Variants in CPSF4L observed in about 807,000 individuals in gnomAD.
CPSF4L encodes cleavage and polyadenylation specific factor 4 like, also known as putative cleavage and polyadenylation specificity factor subunit 4-like protein.
Under a neutral mutation model 24.0 loss-of-function variants are expected in CPSF4L, and 18 were observed. The observed-to-expected ratio is 0.75, with a 90% CI of 0.52 to 1.11. CPSF4L has a LOEUF of 1.11. CPSF4L is among the 50% of genes least tolerant of loss of function. The probability of loss-of-function intolerance (pLI) is 0.00; values close to 1 mark genes in which losing one functional copy is unlikely to be tolerated. For synonymous variants in CPSF4L, 72 were observed against 77.2 expected, an observed-to-expected ratio of 0.93 and a Z score of 0.35; for missense variants, 211 against 221.8, an observed-to-expected ratio of 0.95 and a Z score of 0.31.
Position 73,261,721 on chromosome 17 carries a change from A to G in CPSF4L, c.98T>C (p.Met33Thr), listed in dbSNP as rs1475484208. 1 of 1,549,308 alleles carries G rather than the reference A, an allele frequency of 6.5e-7. No homozygotes were observed. The highest frequency in any genetic ancestry group is 1.4e-5 in the African/African-American group (1 of 73,088). Residue 33 changes from methionine (M) to threonine (T), a missense_variant, in exon 1 of 6, where the codon ATG becomes ACG. Physicochemically the swap from Met to Thr is moderately conservative, Grantham distance 81. Coordinates refer to ENST00000344935, the MANE Select transcript of CPSF4L (RefSeq NM_001129885.1). ...KGTGLLPFQG[M>T]DKSASAVCNF... The stretch of plus-strand genomic sequence containing the variant: ...GTGGCCCCACCCTCACTCACTGTCC[A>G]TGCCCTGGAAAGGCAGGAGCCCAGT...
chr17:73,251,841 CTG>C (rs1466997718), intron 5 of CPSF4L, among the ~76,000 whole-genome samples: 1 of 152,198 alleles, frequency 6.6e-6, no homozygotes, highest in East Asian at 1.9e-4. Flanking sequence ...TCCATAGGGA[CTG>C]AGCACAGTTC....
chr17:73,258,368 C>G (rs1234840234), intron 2 of CPSF4L, among the ~76,000 whole-genome samples: 1 of 152,182 alleles, frequency 6.6e-6, no homozygotes, highest in African/African-American at 2.4e-5. Context: ...AGCAATGGCA[C>G]GGTCTCAGCT....
intron 5 of CPSF4L, chr17:73,250,432 T>C: frequency 8.0e-7 from 1 of 1,248,136 alleles, no homozygotes; most frequent in Non-Finnish European, 1.1e-6. Flanking sequence ...TGGTGAAGCT[T>C]ATTTCAGGCA....
chr17:73,251,120 C>A, intron 5 of CPSF4L: 1 of 1,530,430 alleles, frequency 6.5e-7, no homozygotes, highest in South Asian at 1.3e-5. Context: ...GAAGTGCAGT[C>A]GTGAGAAAAC....
chr17:73,248,241 G>A (rs2061978963), downstream of CPSF4L: 1 of 471,220 alleles, frequency 2.1e-6, no homozygotes, highest in South Asian at 3.0e-5. Flanking sequence ...AGAAAGACAA[G>A]ACTCCTCAGA....
At chr17:73,261,906 C>A, upstream of CPSF4L, 1 of 928,874 alleles carries the variant, frequency 1.1e-6, no homozygotes, top group Non-Finnish European at 1.7e-6. Flanking sequence ...AAGGGGCCAG[C>A]GCCCAATGCC....
At chr17:73,247,548 G>T (rs2061969193), downstream of CPSF4L, 1 of 527,450 alleles carries the variant, frequency 1.9e-6, no homozygotes, top group South Asian at 2.4e-5. Flanking sequence ...GAAACATAAT[G>T]AAAAGGTTTA....
At chr17:73,256,473 C>T (rs1435322265) in intron 3 of CPSF4L, among the ~76,000 whole-genome samples, 4 of 152,186 alleles carry the variant, frequency 2.6e-5, no homozygotes, top group Admixed American at 6.5e-5. Context: ...AAGCTGGCTG[C>T]AGCCACATTT....
At position 73,255,494 on chromosome 17, in the gene CPSF4L, G is replaced by A. The variant is rs1264722625; in HGVS notation, c.308-1468C>T. Among the ~76,000 whole-genome samples the A allele has an allele frequency of 8.3e-5, 12 of 144,442 alleles. No individual in the cohort carries two copies. The South Asian group carries it at 1.1e-3, about 13-fold the overall frequency. 94.8% of individuals were successfully genotyped at this position (144,442 alleles called of 152,430 possible). A position where few individuals can be genotyped will look rare whatever the true frequency, so the allele number is the denominator to read the frequency against. On this transcript the variant is annotated intron_variant, in intron 3 of 5. Coordinates refer to ENST00000344935, the MANE Select transcript of CPSF4L (RefSeq NM_001129885.1). ...TCCATTCCAGCCTGGGCAACAGTGC[G>A]AGACTCTGTCTCCAAAAAAAGAAAA...
intron 2 of CPSF4L, among the ~76,000 whole-genome samples, chr17:73,260,403 A>G (rs2145284260): frequency 6.6e-6 from 1 of 152,252 alleles, no homozygotes; most frequent in South Asian, 2.1e-4. Context: ...TGAGGCGGGA[A>G]AATCTTAGGG....
At chr17:73,250,870 T>C in intron 5 of CPSF4L, 1 of 889,510 alleles carries the variant, frequency 1.1e-6, no homozygotes, top group Non-Finnish European at 1.6e-6. Context: ...TTCACACTCC[T>C]ATCTGCTGCA....
chr17:73,243,547 TC>T (rs1395903118), downstream of CPSF4L, among the ~76,000 whole-genome samples: 3 of 143,152 alleles, frequency 2.1e-5, no homozygotes, highest in African/African-American at 7.7e-5. Flanking sequence ...TTTCATGTTG[TC>T]TTTTTTTTTT....
chr17:73,248,807 G>T, intron 5 of CPSF4L: 1 of 383,846 alleles, frequency 2.6e-6, no homozygotes, highest in Non-Finnish European at 4.7e-6. Context: ...AGTTTACTTG[G>T]GAATGTGTAG....
chr17:73,243,099 T>C, the CPSF4L span: 1 of 877,448 alleles, frequency 1.1e-6, no homozygotes, highest in Non-Finnish European at 1.8e-6. Context: ...TTTTTTTTTT[T>C]TTACAGCTTT....
chr17:73,242,637 T>A, the CPSF4L span, among the ~76,000 whole-genome samples: 1 of 152,196 alleles, frequency 6.6e-6, no homozygotes, highest in East Asian at 1.9e-4. Context: ...CCAGAAAAAC[T>A]CTAAACCTCA....
downstream of CPSF4L, chr17:73,247,297 G>A (rs1489375694): frequency 3.1e-6 from 5 of 1,614,044 alleles, no homozygotes; most frequent in Non-Finnish European, 4.2e-6. Context: ...CATTGGTGTG[G>A]CGAAGACGAC....
upstream of CPSF4L, chr17:73,262,304 C>T (rs78715937): frequency 8.3e-3 from 1,287 of 154,324 alleles, 17 homozygotes; most frequent in African/African-American, 0.029. Context: ...CCCACCTCCC[C>T]GCTTCTTCCC....
chr17:73,243,548 CTTTT>C (rs111267869), downstream of CPSF4L, among the ~76,000 whole-genome samples: 1 of 135,064 alleles, frequency 7.4e-6, no homozygotes, highest in Non-Finnish European at 1.6e-5. Flanking sequence ...TTCATGTTGT[CTTTT>C]TTTTTTTTTT....
At chr17:73,249,488 C>T (rs980178386) in intron 5 of CPSF4L, among the ~76,000 whole-genome samples, 2 of 152,158 alleles carry the variant, frequency 1.3e-5, no homozygotes, top group Non-Finnish European at 2.9e-5. Context: ...CCCCCAAAAC[C>T]CGACTCCTGG....
Sources: gnomAD v4.1 joint callset for allele counts (sites outside exome capture counted in the v4.1 genomes callset) on GRCh38, gnomAD v4.1.1 for gene constraint, MANE v1.5 for transcripts, NCBI Gene and HGNC (gene_info 2026-07-23, HGNC 2026-07-21) for gene names.